The following LHFPL3 variants were observed in gnomAD, a reference collection of about 807,000 sequenced individuals.
The protein encoded by LHFPL3 is LHFPL tetraspan subfamily member 3 protein.
In LHFPL3, 5 loss-of-function variants were observed where a neutral mutation model predicts 19.3. The ratio of observed to expected loss-of-function variants is 0.26; its 90% CI spans 0.14 to 0.54. LHFPL3 has a LOEUF of 0.54. Ranked by LOEUF, LHFPL3 falls within the 20% of genes least tolerant of loss-of-function variation. The pLI, the probability that LHFPL3 is intolerant of heterozygous loss-of-function variation, is 0.94. For synonymous variants in LHFPL3, 133 were observed against 126.2 expected (o/e 1.05, Z -0.36); for missense variants, 249 against 307.4 (o/e 0.81, Z 1.42).
chr7:104,700,950 C>T (rs999899398), intron 1 of LHFPL3, among the ~76,000 whole-genome samples: 1 of 152,156 alleles, frequency 6.6e-6, no homozygotes, highest in Non-Finnish European at 1.5e-5. Context: ...CCTTTTACTG[C>T]TCTACTGGTT....
chr7:104,435,938 A>G (rs927414433), intron 1 of LHFPL3, among the ~76,000 whole-genome samples: 7 of 152,128 alleles, frequency 4.6e-5, no homozygotes, highest in African/African-American at 1.7e-4. Context: ...GTATAAATGT[A>G]TTTGATCTGA....
At chr7:104,803,502 C>A (rs531989163) in intron 2 of LHFPL3, 56 of 152,348 alleles carry the variant, frequency 3.7e-4, no homozygotes, top group Middle Eastern at 3.4e-3. Flanking sequence ...GTGTGTTCCT[C>A]TTTGTAGCCA....
chr7:104,537,238 T>C (rs1213901162), intron 1 of LHFPL3, among the ~76,000 whole-genome samples: 1 of 152,144 alleles, frequency 6.6e-6, no homozygotes, highest in African/African-American at 2.4e-5. Context: ...CTTGGAGATG[T>C]GGGGGAGAGT....
At chr7:104,518,065 T>C (rs901647633) in intron 1 of LHFPL3, among the ~76,000 whole-genome samples, 9 of 152,142 alleles carry the variant, frequency 5.9e-5, no homozygotes, top group African/African-American at 2.2e-4. Context: ...AATGTCATCC[T>C]AGGAATAAGT....
At chr7:104,763,997 C>T (rs934262529) in intron 2 of LHFPL3, among the ~76,000 whole-genome samples, 23 of 152,182 alleles carry the variant, frequency 1.5e-4, no homozygotes, top group African/African-American at 5.3e-4. Flanking sequence ...CTGTTTGGCT[C>T]TTAATCTGTG....
chr7:104,747,119 A>C (rs1341655800), intron 2 of LHFPL3, among the ~76,000 whole-genome samples: 1 of 152,224 alleles, frequency 6.6e-6, no homozygotes. Flanking sequence ...GAGGTAAGAG[A>C]CTAAAAGGTT....
At chr7:104,905,145 G>A (rs1324104336) in intron 2 of LHFPL3, among the ~76,000 whole-genome samples, 1 of 151,876 alleles carries the variant, frequency 6.6e-6, no homozygotes, top group Non-Finnish European at 1.5e-5. Flanking sequence ...GTAGAGATGG[G>A]GTTTCACTAT....
chr7:104,514,607 C>T (rs1284388643), intron 1 of LHFPL3, among the ~76,000 whole-genome samples: 1 of 152,160 alleles, frequency 6.6e-6, no homozygotes, highest in Non-Finnish European at 1.5e-5. Context: ...CAGCTGAAAA[C>T]TGGTTAATCT....
chr7:104,844,275 G>T (rs1791271167), intron 2 of LHFPL3, among the ~76,000 whole-genome samples: 1 of 152,274 alleles, frequency 6.6e-6, no homozygotes, highest in South Asian at 2.1e-4. Flanking sequence ...TGAGGCACCA[G>T]ATGGAGGCAA....
chr7:104,802,319 AC>A (rs796700639), intron 2 of LHFPL3, among the ~76,000 whole-genome samples: 20 of 151,904 alleles, frequency 1.3e-4, no homozygotes, highest in African/African-American at 4.8e-4. Context: ...ACATGGTGAA[AC>A]CCTGCCTCTA....
intron 1 of LHFPL3, among the ~76,000 whole-genome samples, chr7:104,626,836 G>A (rs1309789792): frequency 6.6e-6 from 1 of 152,116 alleles, no homozygotes; most frequent in African/African-American, 2.4e-5. Context: ...TGTGCATCTT[G>A]AAGTCAACAT....
chr7:104,819,125 C>T (rs1198855660), intron 2 of LHFPL3, among the ~76,000 whole-genome samples: 2 of 152,038 alleles, frequency 1.3e-5, no homozygotes, highest in Admixed American at 6.6e-5. Flanking sequence ...TTAATTTGAT[C>T]CCTGTAAATG....
intron 2 of LHFPL3, among the ~76,000 whole-genome samples, chr7:104,741,031 G>A (rs1793926404): frequency 6.6e-6 from 1 of 152,176 alleles, no homozygotes; most frequent in Non-Finnish European, 1.5e-5. Flanking sequence ...TTAGATGAAA[G>A]GGAATACAAG....
At chr7:104,752,851 A>G in intron 2 of LHFPL3, 1 of 378,114 alleles carries the variant, frequency 2.6e-6, no homozygotes, top group Non-Finnish European at 4.7e-6. Flanking sequence ...AAAACTGAGC[A>G]AAGTAAAGAG....
At chr7:104,410,189 A>G (rs1562888926) in intron 1 of LHFPL3, among the ~76,000 whole-genome samples, 2 of 151,950 alleles carry the variant, frequency 1.3e-5, no homozygotes, top group South Asian at 2.1e-4. Context: ...CTGGAGTGCA[A>G]TGGTGCAATC....
Position 104,328,759 on chromosome 7 carries a change from AGG to A in LHFPL3, c.-20_-19del. 1 of 1,543,016 alleles carries A rather than the reference AGG, an allele frequency of 6.5e-7. No homozygotes were observed. ...GAGGCGGAGGACCAGGAGGAGGAGGAGGAGGAGGAGGAGGGGGAGAATGCCCG... is the reference window on the plus strand; with the variant it reads ...GAGGCGGAGGACCAGGAGGAGGAGGAAGGAGGAGGAGGGGGAGAATGCCCG... On this transcript the variant is annotated 5_prime_UTR_variant, in exon 1 of 3. Transcript: ENST00000424859. This position sits in a 1 kb window ranked among gnomAD's most constrained non-coding sequence, Gnocchi z 4.6.
At chr7:104,654,036 T>TC (rs554820140) in intron 1 of LHFPL3, among the ~76,000 whole-genome samples, 35 of 152,290 alleles carry the variant, frequency 2.3e-4, no homozygotes, top group Middle Eastern at 3.4e-3. Flanking sequence ...GCACCTAAGG[T>TC]CTACCCATTC....
At chr7:104,707,902 A>G (rs1489647905) in intron 1 of LHFPL3, among the ~76,000 whole-genome samples, 2 of 152,224 alleles carry the variant, frequency 1.3e-5, no homozygotes, top group Non-Finnish European at 2.9e-5. Context: ...AAAGCTGAGA[A>G]AACAAAAGTA....
At chr7:104,383,554 T>TC (rs1790873435) in intron 1 of LHFPL3, among the ~76,000 whole-genome samples, 1 of 152,230 alleles carries the variant, frequency 6.6e-6, no homozygotes, top group South Asian at 2.1e-4. Flanking sequence ...ACACCTGGCT[T>TC]CTCTTTCAAG....
Sources: gnomAD v4.1 joint callset for allele counts (sites outside exome capture counted in the v4.1 genomes callset) on GRCh38, gnomAD v4.1.1 for gene constraint, Gnocchi (gnomAD v3.1) non-coding constraint, MANE v1.5 for transcripts, NCBI Gene and HGNC (gene_info 2026-07-23, HGNC 2026-07-21) for gene names.